UXS1: variants seen among roughly 807,000 people sequenced by gnomAD.
The protein encoded by UXS1 is UDP-glucuronic acid decarboxylase 1.
In UXS1, 33 loss-of-function variants were observed where a neutral mutation model predicts 62.6. The observed-to-expected ratio is 0.53, with a 90% CI of 0.40 to 0.70. The LOEUF (loss-of-function observed/expected upper bound fraction) is 0.70. Among genes scored for constraint, UXS1 ranks in the 30% least tolerant of loss-of-function variants. UXS1 has a pLI of 0.00. For synonymous variants in UXS1, 213 were observed against 206.8 expected (o/e 1.03, Z -0.26); for missense variants, 434 against 556.3 (o/e 0.78, Z 2.21).
chr2:106,131,031 G>C (rs1385871128), intron 6 of UXS1, among the ~76,000 whole-genome samples: 1 of 151,150 alleles, frequency 6.6e-6, no homozygotes, highest in Non-Finnish European at 1.5e-5. Context: ...GACAGTGGGC[G>C]CAGGCCAGTG....
chr2:106,159,368 T>A (rs1452244511), intron 4 of UXS1: 1 of 152,258 alleles, frequency 6.6e-6, no homozygotes. Flanking sequence ...GGCATCCTCT[T>A]CCTGACCAGC....
At chr2:106,106,087 T>A (rs4851923) in intron 10 of UXS1, among the ~76,000 whole-genome samples, 6 of 151,926 alleles carry the variant, frequency 3.9e-5, no homozygotes, top group Non-Finnish European at 5.9e-5. Flanking sequence ...ACGCATGGCC[T>A]GGCGCGGTGG....
At chr2:106,131,135 A>G (rs1006308644) in intron 6 of UXS1, among the ~76,000 whole-genome samples, 1 of 148,234 alleles carries the variant, frequency 6.7e-6, no homozygotes, top group Non-Finnish European at 1.5e-5. Context: ...GAGTCAAAGA[A>G]AGGGGTGACG....
chr2:106,137,313 T>C (rs878976139), intron 6 of UXS1, among the ~76,000 whole-genome samples: 1 of 152,216 alleles, frequency 6.6e-6, no homozygotes. Flanking sequence ...CAAGCTATCT[T>C]TTGCAGTTTC....
At chr2:106,113,833 G>A (rs1021752647) in intron 9 of UXS1, among the ~76,000 whole-genome samples, 1 of 152,206 alleles carries the variant, frequency 6.6e-6, no homozygotes, top group Non-Finnish European at 1.5e-5. Flanking sequence ...TGACTCGGTC[G>A]CAGCAAGACT....
chr2:106,194,079 C>G, intron 1 of UXS1, 69 bp downstream of exon 1: 1 of 1,332,088 alleles, frequency 7.5e-7, no homozygotes, highest in Non-Finnish European at 9.8e-7. Context: ...CCCGAACCAC[C>G]GCCGCCCGGC....
At chr2:106,150,291 G>C (rs981495711) in intron 5 of UXS1, among the ~76,000 whole-genome samples, 6 of 152,230 alleles carry the variant, frequency 3.9e-5, no homozygotes, top group African/African-American at 1.4e-4. Flanking sequence ...GAAAAAGTGT[G>C]CAAGAGTGCA....
chr2:106,101,079 G>C lies in UXS1; in HGVS notation c.963C>G (p.Asn321Lys). Residue 321 changes from asparagine (N) to lysine (K), a missense_variant, in exon 12 of 15, where the codon AAC becomes AAG. Asn to Lys is a moderately conservative substitution (Grantham distance 94, BLOSUM62 0). Coordinates refer to ENST00000283148, the MANE Select transcript of UXS1 (RefSeq NM_001253875.2). ...VNGLVALMNSNVSSPVNLGNP... is the reference protein window; with the variant it reads ...VNGLVALMNSKVSSPVNLGNP... ...TCACCAGGTTGACCGGGCTGCTGAC[G>C]TTGCTGTTCATGAGAGCCACGAGGC... is the stretch of plus-strand genomic sequence containing the variant. 1 of 1,613,868 alleles carries C rather than the reference G, an allele frequency of 6.2e-7. No individual in the cohort carries two copies. Among genetic ancestry groups the C allele is most frequent in the Non-Finnish European group, 8.5e-7 (1 of 1,179,874 alleles).
intron 4 of UXS1, among the ~76,000 whole-genome samples, chr2:106,163,084 A>G (rs766838964): frequency 1.1e-4 from 17 of 152,238 alleles, no homozygotes; most frequent in Non-Finnish European, 2.2e-4. Flanking sequence ...GCTGAGGCTC[A>G]GCGGCCTCGG....
intron 6 of UXS1, among the ~76,000 whole-genome samples, chr2:106,144,895 G>A (rs952948065): frequency 1.3e-5 from 2 of 152,070 alleles, no homozygotes; most frequent in Non-Finnish European, 2.9e-5. Flanking sequence ...AATTTGGGGT[G>A]ACACCAACAT....
intron 4 of UXS1, 87 bp from the exon 5 acceptor site, chr2:106,158,205 T>C: frequency 8.5e-7 from 1 of 1,175,334 alleles, no homozygotes; most frequent in Non-Finnish European, 1.2e-6. Context: ...ATGTGCCAGG[T>C]TTTGGGACTG....
Position 106,162,827 on chromosome 2 carries a change from G to A in UXS1, c.230+840C>T, listed in dbSNP as rs533301241. Among the ~76,000 whole-genome samples, 111 of 152,286 alleles carry A rather than the reference G, an allele frequency of 7.3e-4. 1 individual carries two copies. The highest frequency in any genetic ancestry group is 1.4e-3 in the Non-Finnish European group (97 of 68,016). ...TTTGTTTAATGACTCTTCTCCAGTC[G>A]TATTTCCCTTCGATCATTTAATGAA... is the stretch of plus-strand genomic sequence containing the variant. On this transcript the variant is annotated intron_variant, in intron 4 of 14. Coordinates refer to ENST00000283148, the MANE Select transcript of UXS1 (RefSeq NM_001253875.2).
intron 14 of UXS1, among the ~76,000 whole-genome samples, chr2:106,094,696 G>A (rs1025219371): frequency 1.1e-4 from 17 of 152,120 alleles, no homozygotes; most frequent in African/African-American, 3.1e-4. Flanking sequence ...GGGGACCCAC[G>A]GCAGCCCACA....
At chr2:106,155,830 A>T (rs74323576) in intron 5 of UXS1, among the ~76,000 whole-genome samples, 294 of 152,332 alleles carry the variant, frequency 1.9e-3, no homozygotes, top group Non-Finnish European at 3.4e-3. Flanking sequence ...AGTCTTTTCA[A>T]CAAATTGTGC....
At chr2:106,186,451 T>TACACACAC (rs1215299882) in intron 1 of UXS1, among the ~76,000 whole-genome samples, 1 of 10,566 alleles carries the variant, frequency 9.5e-5, no homozygotes, top group Non-Finnish European at 3.7e-4. Flanking sequence ...TTTATATATA[T>TACACACAC]ATATATACAC....
chr2:106,096,879 G>A (rs1356095458), intron 13 of UXS1, 58 bp from the exon 14 acceptor site: 1 of 1,487,596 alleles, frequency 6.7e-7, no homozygotes, highest in Admixed American at 2.0e-5. Flanking sequence ...GGTAAGCACA[G>A]CCTTACCATC....
At chr2:106,150,792 C>T (rs1681946880) in intron 5 of UXS1, among the ~76,000 whole-genome samples, 1 of 152,178 alleles carries the variant, frequency 6.6e-6, no homozygotes, top group Non-Finnish European at 1.5e-5. Context: ...GTAACACCAG[C>T]CTAAGGAAGT....
chr2:106,147,545 T>C (rs950954378), intron 5 of UXS1, among the ~76,000 whole-genome samples: 9 of 152,198 alleles, frequency 5.9e-5, no homozygotes, highest in African/African-American at 2.2e-4. Flanking sequence ...ATTGTGCCAC[T>C]GCACTCCAGC....
At chr2:106,143,764 A>G (rs1373846760) in intron 6 of UXS1, among the ~76,000 whole-genome samples, 1 of 152,152 alleles carries the variant, frequency 6.6e-6, no homozygotes, top group Non-Finnish European at 1.5e-5. Flanking sequence ...CAGCTTCCAG[A>G]GGCTGCCAAC....
Sources: gnomAD v4.1 joint callset for allele counts (sites outside exome capture counted in the v4.1 genomes callset) on GRCh38, gnomAD v4.1.1 for gene constraint, MANE v1.5 for transcripts, NCBI Gene and HGNC (gene_info 2026-07-23, HGNC 2026-07-21) for gene names.